The following PIAS2 variants were observed in gnomAD, a reference collection of about 807,000 sequenced individuals.
PIAS2 encodes the protein protein inhibitor of activated STAT 2.
PIAS2 carries 19 observed loss-of-function variants against 69.7 expected under a neutral mutation model. The observed-to-expected ratio is 0.27, with a 90% CI of 0.19 to 0.40. PIAS2 has a LOEUF of 0.40. Ranked by LOEUF, PIAS2 falls within the 10% of genes least tolerant of loss-of-function variation. PIAS2 has a pLI of 1.00. For missense variants in PIAS2, 624 were observed against 757.0 expected (o/e 0.82, Z 2.06); for synonymous variants, 261 against 263.2 (o/e 0.99, Z 0.08).
At chr18:46,818,120 T>G in intron 12 of PIAS2, 1 of 1,064,842 alleles carries the variant, frequency 9.4e-7, no homozygotes, top group Non-Finnish European at 1.1e-6. Flanking sequence ...AGTGCTTCAC[T>G]GTGAAATTGA....
intron 2 of PIAS2, among the ~76,000 whole-genome samples, chr18:46,883,484 C>A (rs2052634851): frequency 2.0e-5 from 3 of 151,932 alleles, no homozygotes. Flanking sequence ...AGAAGGATAG[C>A]TTGACCTCAG....
At chr18:46,867,159 G>A (rs953434406) in intron 2 of PIAS2, among the ~76,000 whole-genome samples, 11 of 151,442 alleles carry the variant, frequency 7.3e-5, no homozygotes, top group African/African-American at 2.2e-4. Context: ...ACATATTCTC[G>A]GTGTGCCTTT....
intron 1 of PIAS2, among the ~76,000 whole-genome samples, chr18:46,909,560 T>C (rs975024229): frequency 6.6e-6 from 1 of 152,224 alleles, no homozygotes; most frequent in Non-Finnish European, 1.5e-5. Context: ...TAAAACCTTT[T>C]GAAGTGTGAC....
At chr18:46,876,539 G>A (rs2051219284) in intron 2 of PIAS2, among the ~76,000 whole-genome samples, 1 of 152,130 alleles carries the variant, frequency 6.6e-6, no homozygotes, top group South Asian at 2.1e-4. Context: ...TACTAGCAGA[G>A]AAAGGTGGAG....
At chr18:46,817,677 T>C (rs1037439385) in intron 12 of PIAS2, 3 of 961,642 alleles carry the variant, frequency 3.1e-6, no homozygotes, top group African/African-American at 1.8e-5. Context: ...AATTCTAGAT[T>C]GTTTACCAAG....
At chr18:46,852,707 G>C (rs1425518117) in intron 5 of PIAS2, 3 of 152,178 alleles carry the variant, frequency 2.0e-5, no homozygotes, top group Non-Finnish European at 2.9e-5. Context: ...CCTACAGGAA[G>C]GTATCATCCC....
intron 2 of PIAS2, among the ~76,000 whole-genome samples, chr18:46,865,465 G>A (rs945235832): frequency 2.0e-5 from 3 of 150,690 alleles, no homozygotes; most frequent in Admixed American, 2.0e-4. Flanking sequence ...GCTTGAACCT[G>A]GGAGGTGGAG....
chr18:46,906,909 A>G (rs1442393943), intron 1 of PIAS2, among the ~76,000 whole-genome samples: 1 of 152,126 alleles, frequency 6.6e-6, no homozygotes. Flanking sequence ...GACTGACTAG[A>G]CTGTTTCATA....
chr18:46,895,523 T>C (rs2054713004), intron 1 of PIAS2, among the ~76,000 whole-genome samples: 1 of 151,828 alleles, frequency 6.6e-6, no homozygotes, highest in Admixed American at 6.6e-5. Context: ...ATACAAAAAT[T>C]AGCCGGGTGT....
At chr18:46,910,216 A>G (rs2057104755) in intron 1 of PIAS2, among the ~76,000 whole-genome samples, 2 of 152,126 alleles carry the variant, frequency 1.3e-5, no homozygotes. Flanking sequence ...AAGTATAAAG[A>G]CAGACCAGGA....
chr18:46,905,294 A>G (rs1363781332), intron 1 of PIAS2, among the ~76,000 whole-genome samples: 1 of 152,178 alleles, frequency 6.6e-6, no homozygotes, highest in East Asian at 1.9e-4. Context: ...AGAATTCACA[A>G]CGGAAAATAG....
At chr18:46,898,174 G>C (rs1373582339) in intron 1 of PIAS2, among the ~76,000 whole-genome samples, 2 of 148,462 alleles carry the variant, frequency 1.3e-5, no homozygotes, top group African/African-American at 5.0e-5. Flanking sequence ...TTTTTTTTTT[G>C]AGAGAGAGAA....
At chr18:46,816,367 G>A in intron 12 of PIAS2, 1 of 969,716 alleles carries the variant, frequency 1.0e-6, no homozygotes. Context: ...TCCAAATAAG[G>A]GTATTACAAA....
intron 2 of PIAS2, among the ~76,000 whole-genome samples, chr18:46,873,103 C>T (rs2050624270): frequency 6.6e-6 from 1 of 152,194 alleles, no homozygotes; most frequent in African/African-American, 2.4e-5. Flanking sequence ...CGGCTACCGC[C>T]TTGTTAACTA....
chr18:46,807,373 ATATATATATATTTTTTTTTTTTT>A lies in PIAS2; in HGVS notation c.*5037_*5059del, dbSNP rs1269664862. ...TCAGATTTTATATATATATATATAT[ATATATATATATTTTTTTTTTTTT>A]TTTTTTTTTTTTTTAGAGAGTCTTG... On this transcript the variant is annotated 3_prime_UTR_variant, in exon 14 of 14. Transcript: ENST00000585916. The A allele has an allele frequency of 3.1e-4, 8 of 26,036 alleles. No individual in the cohort carries two copies. Among genetic ancestry groups the A allele is most frequent in the Non-Finnish European group, 5.3e-4 (7 of 13,314 alleles). 1.6% of individuals were successfully genotyped at this position (26,036 alleles called of 1,614,324 possible). A position where few individuals can be genotyped will look rare whatever the true frequency, so the allele number is the denominator to read the frequency against.
intron 5 of PIAS2, among the ~76,000 whole-genome samples, chr18:46,847,464 T>C (rs1291964923): frequency 2.6e-5 from 4 of 152,066 alleles, no homozygotes; most frequent in Non-Finnish European, 5.9e-5. Flanking sequence ...AATCTACTTT[T>C]ATGTAGTCAT....
intron 2 of PIAS2, among the ~76,000 whole-genome samples, chr18:46,887,487 A>G (rs2053402635): frequency 6.6e-6 from 1 of 152,254 alleles, no homozygotes; most frequent in Admixed American, 6.5e-5. Context: ...TCAACTATGA[A>G]ATGTTACTTC....
At chr18:46,867,472 G>A (rs186367180) in intron 2 of PIAS2, among the ~76,000 whole-genome samples, 19 of 152,316 alleles carry the variant, frequency 1.2e-4, no homozygotes, top group Admixed American at 2.6e-4. Context: ...ACATAACCAT[G>A]AGAAAGAATG....
chr18:46,826,777 A>G (rs1413429270), intron 11 of PIAS2: 1 of 152,204 alleles, frequency 6.6e-6, no homozygotes, highest in Non-Finnish European at 1.5e-5. Context: ...AAGTAAATAT[A>G]TGCCTTTAAT....
Sources: allele counts gnomAD v4.1 joint callset (sites outside exome capture counted in the v4.1 genomes callset), GRCh38; gene constraint gnomAD v4.1.1; transcripts MANE v1.5; gene names NCBI Gene and HGNC (gene_info 2026-07-23, HGNC 2026-07-21).